Variants in TARS1 observed in about 807,000 individuals in gnomAD.
TARS1 encodes threonyl-tRNA synthetase 1.
In TARS1, 57 loss-of-function variants were observed where a neutral mutation model predicts 97.7. The ratio of observed to expected loss-of-function variants is 0.58; its 90% CI spans 0.47 to 0.73. TARS1 has a LOEUF of 0.73. Ranked by LOEUF, TARS1 falls within the 30% of genes least tolerant of loss-of-function variation. The probability of loss-of-function intolerance (pLI) is 0.00; values close to 1 mark genes in which losing one functional copy is unlikely to be tolerated. For synonymous variants in TARS1, 312 were observed against 293.7 expected, an observed-to-expected ratio of 1.06 and a Z score of -0.64; for missense variants, 806 against 888.3, an observed-to-expected ratio of 0.91 and a Z score of 1.18.
At chr5:33,452,526 G>C in intron 3 of TARS1, 5 of 960,134 alleles carry the variant, frequency 5.2e-6, no homozygotes, top group East Asian at 2.6e-5. Flanking sequence ...TTTACACTCT[G>C]TGTGCTCTGA....
chr5:33,463,684 A>G lies in TARS1; in HGVS notation c.1836-69A>G, dbSNP rs1257713699. On this transcript the variant is annotated intron_variant, in intron 16 of 18. Coordinates refer to ENST00000265112, the MANE Select transcript of TARS1 (RefSeq NM_152295.5). The stretch of plus-strand genomic sequence containing the variant: ...GGAAAAGATACTGAAGAGTAGAGTA[A>G]GAAATATGCTGTCCCTGTTTAGTGA... 34 of 1,344,496 alleles carry G rather than the reference A, an allele frequency of 2.5e-5. 1 individual carries two copies. The highest frequency in any genetic ancestry group is 3.4e-5 in the Non-Finnish European group (32 of 953,768). 83.3% of individuals were successfully genotyped at this position (1,344,496 alleles called of 1,614,324 possible). A position where few individuals can be genotyped will look rare whatever the true frequency, so the allele number is the denominator to read the frequency against.
chr5:33,445,458 G>A lies in TARS1; in HGVS notation c.138+54G>A, dbSNP rs1331847159. 3 of 1,503,400 alleles carry A rather than the reference G, an allele frequency of 2.0e-6. No individual in the cohort carries two copies. The East Asian group carries it at 6.8e-5, about 34-fold the overall frequency. The allele number at this position is 1,503,400 out of a possible 1,614,324, so 93.1% of individuals were successfully genotyped here. A position where few individuals can be genotyped will look rare whatever the true frequency, so the allele number is the denominator to read the frequency against. On this transcript the variant is annotated intron_variant, in intron 2 of 18. Coordinates refer to ENST00000265112, the MANE Select transcript of TARS1 (RefSeq NM_152295.5). ...TTATCAGAGGTTGGCAAATCGCAGG[G>A]AACTTTCTGAGACTTTCCTAATGTG...
intron 16 of TARS1, among the ~76,000 whole-genome samples, chr5:33,462,751 C>T (rs2111589133): frequency 6.6e-6 from 1 of 152,248 alleles, no homozygotes; most frequent in South Asian, 2.1e-4. Flanking sequence ...AATTCTTAAG[C>T]AGTTTTTTCT....
At chr5:33,448,793 ATCTTGCCATGTTTTAT>A in intron 3 of TARS1, 62 bp downstream of exon 3, 1 of 1,240,812 alleles carries the variant, frequency 8.1e-7, no homozygotes, top group African/African-American at 1.5e-5. Context: ...TCCTTTTATT[ATCTTGCCATGTTTTAT>A]TCTTATAATA....
chr5:33,441,126 G>A lies in TARS1; in HGVS notation c.40G>A (p.Gly14Arg). The change falls in exon 1 of 19, where the codon GGA becomes AGA. Residue 14 changes from glycine to arginine, a missense_variant. By Grantham distance (125) the Gly-to-Arg change is moderately radical (BLOSUM62 -2). Coordinates refer to ENST00000265112, the MANE Select transcript of TARS1 (RefSeq NM_152295.5). ...EKASSPSGKM[G>R]GEEKPIGAGE... ...GGCCAGCAGTCCTTCAGGGAAGATG[G>A]GAGGCGAGGAGAAGCCGGTGAGCAA... The A allele has an allele frequency of 6.2e-7, 1 of 1,614,222 alleles. No individual in the cohort carries two copies. Among genetic ancestry groups the A allele is most frequent in the South Asian group, 1.1e-5 (1 of 91,092 alleles).
intron 1 of TARS1, 42 bp downstream of exon 1, chr5:33,441,185 T>C (rs1046732904): frequency 3.7e-6 from 6 of 1,609,956 alleles, no homozygotes; most frequent in Non-Finnish European, 4.3e-6. Context: ...CCTGGGACTC[T>C]AGTGGGTGCA....
intron 6 of TARS1, 78 bp from the exon 7 acceptor site, chr5:33,455,924 T>C: frequency 8.0e-7 from 1 of 1,244,032 alleles, no homozygotes; most frequent in South Asian, 1.3e-5. Flanking sequence ...ATTCATACAG[T>C]GCTACGTTTT....
intron 16 of TARS1, among the ~76,000 whole-genome samples, chr5:33,462,865 C>T (rs969961027): frequency 2.0e-5 from 3 of 152,198 alleles, no homozygotes; most frequent in Non-Finnish European, 4.4e-5. Flanking sequence ...AAATGACGTA[C>T]ATTGGTTTAA....
chr5:33,444,818 C>T (rs566788229), intron 1 of TARS1, among the ~76,000 whole-genome samples: 18 of 152,106 alleles, frequency 1.2e-4, no homozygotes, highest in South Asian at 8.4e-4. Context: ...TTTTCTCCTC[C>T]GGGAGTTTCT....
intron 1 of TARS1, among the ~76,000 whole-genome samples, chr5:33,442,857 A>G (rs1264218066): frequency 6.6e-6 from 1 of 152,134 alleles, no homozygotes; most frequent in African/African-American, 2.4e-5. Flanking sequence ...TATCTCCATT[A>G]TACAGATGAG....
chr5:33,450,103 T>A (rs1189723314), intron 3 of TARS1, among the ~76,000 whole-genome samples: 1 of 152,218 alleles, frequency 6.6e-6, no homozygotes, highest in African/African-American at 2.4e-5. Context: ...AACTTGACAG[T>A]GTTTTTGTGT....
chr5:33,461,017 C>T lies in TARS1; in HGVS notation c.1366C>T (p.Arg456Ter), dbSNP rs143325873. The stretch of plus-strand genomic sequence containing the variant: ...AGCACTCACAGGACTCACCCGGGTA[C>T]GAAGATTCCAACAGGATGATGCTCA... ...SGALTGLTRVRRFQQDDAHIF... is the reference protein window; with the variant it reads ...SGALTGLTRV The change falls in exon 12 of 19, where the codon CGA becomes TGA. Residue 456 changes from arginine (R) to a stop codon, truncating the protein, a stop_gained. Coordinates refer to ENST00000265112, the MANE Select transcript of TARS1 (RefSeq NM_152295.5). LOFTEE classifies it high-confidence loss of function. 5 of 1,613,892 alleles carry T rather than the reference C, an allele frequency of 3.1e-6. No homozygotes were observed. The highest frequency in any genetic ancestry group is 2.2e-5 in the East Asian group (1 of 44,894).
intron 4 of TARS1, among the ~76,000 whole-genome samples, chr5:33,454,462 C>T (rs551116268): frequency 6.6e-6 from 1 of 152,276 alleles, no homozygotes; most frequent in South Asian, 2.1e-4. Context: ...CGTGTTTTGT[C>T]ATTGTGTTGT....
chr5:33,466,161 C>T (rs751353349), intron 17 of TARS1: 2 of 152,190 alleles, frequency 1.3e-5, no homozygotes, highest in Admixed American at 1.3e-4. Context: ...GGAAGGAACA[C>T]CAGCGTCCTC....
intron 3 of TARS1, 97 bp from the exon 4 acceptor site, chr5:33,453,192 A>T (rs1414454840): frequency 2.3e-6 from 3 of 1,296,094 alleles, no homozygotes; most frequent in Non-Finnish European, 3.0e-6. Flanking sequence ...ATAAAAAAAC[A>T]ATATATAATA....
chr5:33,445,396 C>T lies in TARS1; in HGVS notation c.130C>T (p.Arg44Ter), dbSNP rs773821743. 27 of 1,612,638 alleles carry T rather than the reference C, an allele frequency of 1.7e-5. No homozygotes were observed. The highest frequency in any genetic ancestry group is 2.2e-5 in the East Asian group (1 of 44,814). Residue 44 changes from arginine to a stop codon, truncating the protein, a stop_gained, in exon 2 of 19, where the codon CGA becomes TGA. Transcript: ENST00000265112. LOFTEE classifies it high-confidence loss of function. ...CAAAGAAGGATCTGGAGATGGAGGT[C>T]GAGCTGAGGTAAAAGTTATCATCAC... is the stretch of plus-strand genomic sequence containing the variant. Reference protein sequence around the residue: ...KNKEGSGDGGRAELNPWPEYI... With the variant: ...KNKEGSGDGG
intron 2 of TARS1, among the ~76,000 whole-genome samples, chr5:33,447,072 G>A (rs1306262167): frequency 6.6e-6 from 1 of 152,106 alleles, no homozygotes; most frequent in Non-Finnish European, 1.5e-5. Context: ...GGAGTTTGGG[G>A]CCAAAATGCG....
At chr5:33,452,418 C>A (rs747623136) in intron 3 of TARS1, 2 of 1,535,328 alleles carry the variant, frequency 1.3e-6, no homozygotes, top group South Asian at 2.4e-5. Flanking sequence ...TCTGGAATGC[C>A]ATGGCCTCCT....
At chr5:33,442,892 T>C (rs1741184732) in intron 1 of TARS1, among the ~76,000 whole-genome samples, 1 of 152,186 alleles carries the variant, frequency 6.6e-6, no homozygotes, top group Non-Finnish European at 1.5e-5. Flanking sequence ...AACAGTAACT[T>C]GCTCAAACCC....
Sources: gnomAD v4.1 joint callset for allele counts (sites outside exome capture counted in the v4.1 genomes callset) on GRCh38, gnomAD v4.1.1 for gene constraint, MANE v1.5 for transcripts, NCBI Gene and HGNC (gene_info 2026-07-23, HGNC 2026-07-21) for gene names.